SLC16A7: variants seen among roughly 807,000 people sequenced by gnomAD.
SLC16A7 encodes the protein solute carrier family 16 member 7, also known as monocarboxylate transporter 2.
SLC16A7 carries 33 observed loss-of-function variants against 34.9 expected under a neutral mutation model. The ratio of observed to expected loss-of-function variants is 0.94; its 90% CI spans 0.72 to 1.26. The LOEUF (loss-of-function observed/expected upper bound fraction) is 1.26, where lower values mean the gene tolerates loss of function less well. SLC16A7 is among the 50% of genes most tolerant of loss of function. The pLI is 0.00. For synonymous variants in SLC16A7, 201 were observed against 206.6 expected, an observed-to-expected ratio of 0.97 and a Z score of 0.23; for missense variants, 573 against 578.1, an observed-to-expected ratio of 0.99 and a Z score of 0.09.
rs80096114 is a variant in SLC16A7, at chr12:59,683,601, A to G, written c.-30-21171A>G. On this transcript the variant is annotated intron_variant, in intron 2 of 5. Coordinates refer to ENST00000547379, the MANE Select transcript of SLC16A7 (RefSeq NM_001270623.2). ...CTACAATGTACAAACTCAAAAATGTAACATTTCAGTGGGGTGCCCATTTGA... is the reference window on the plus strand; with the variant it reads ...CTACAATGTACAAACTCAAAAATGTGACATTTCAGTGGGGTGCCCATTTGA... Among the ~76,000 whole-genome samples the G allele has an allele frequency of 8.1e-3, 1,240 of 152,340 alleles. 37 individuals are homozygous for G. The highest frequency in any genetic ancestry group is 0.056 in the Admixed American group (856 of 15,296).
intron 3 of SLC16A7, among the ~76,000 whole-genome samples, chr12:59,727,170 A>ATATATATAAAAT (rs1555174538): frequency 6.2e-5 from 9 of 144,388 alleles, no homozygotes; most frequent in African/African-American, 2.4e-4. Context: ...ATATATATAT[A>ATATATATAAAAT]ATATATATAT....
intron 2 of SLC16A7, among the ~76,000 whole-genome samples, chr12:59,682,058 T>A (rs2137074857): frequency 6.6e-6 from 1 of 152,310 alleles, no homozygotes; most frequent in African/African-American, 2.4e-5. Flanking sequence ...ATTCTACTGG[T>A]CATTAGAAAA....
chr12:59,663,545 G>A (rs569032414), intron 2 of SLC16A7, among the ~76,000 whole-genome samples: 2 of 152,058 alleles, frequency 1.3e-5, no homozygotes, highest in African/African-American at 4.8e-5. Context: ...TACTAGCCAC[G>A]AAGCACCTTG....
intron 3 of SLC16A7, chr12:59,720,147 A>G (rs1163545640): frequency 2.9e-6 from 2 of 686,698 alleles, no homozygotes; most frequent in Non-Finnish European, 5.3e-6. Flanking sequence ...ATCGCTGTCT[A>G]AAGAACACAA....
At chr12:59,654,415 A>G (rs980561945) in intron 1 of SLC16A7, among the ~76,000 whole-genome samples, 2 of 151,670 alleles carry the variant, frequency 1.3e-5, no homozygotes, top group Admixed American at 6.6e-5. Flanking sequence ...AATAGTCACA[A>G]TTTTGGGGTA....
chr12:59,706,361 C>CCT (rs1873569619), intron 3 of SLC16A7, among the ~76,000 whole-genome samples: 1 of 98,372 alleles, frequency 1.0e-5, no homozygotes, highest in African/African-American at 5.2e-5. Context: ...GAAATAATTC[C>CCT]CTGTGTGTGT....
intron 3 of SLC16A7, among the ~76,000 whole-genome samples, chr12:59,757,299 T>C (rs1410552593): frequency 2.6e-5 from 4 of 151,490 alleles, no homozygotes; most frequent in Non-Finnish European, 5.9e-5. Flanking sequence ...AAATACCTAA[T>C]GTAGGTGACG....
intron 2 of SLC16A7, among the ~76,000 whole-genome samples, chr12:59,658,795 G>A (rs780323877): frequency 2.3e-4 from 35 of 152,002 alleles, no homozygotes; most frequent in African/African-American, 2.9e-4. Flanking sequence ...CCAGATTTAC[G>A]TATTTTGGCA....
chr12:59,617,379 G>A (rs1452427678), intron 1 of SLC16A7, among the ~76,000 whole-genome samples: 1 of 151,944 alleles, frequency 6.6e-6, no homozygotes, highest in African/African-American at 2.4e-5. Context: ...AAGCTTATGT[G>A]ATTATTGATG....
At position 59,615,593 on chromosome 12, in the gene SLC16A7, T is replaced by G. The variant is rs560580821; in HGVS notation, c.-130+19357T>G. On this transcript the variant is annotated intron_variant, in intron 1 of 5. Transcript: ENST00000547379. ...TAAGTGTTTCCTGCATCTGTGAAACTATCACACTGTATAGCAACACACCTG... is the reference window on the plus strand; with the variant it reads ...TAAGTGTTTCCTGCATCTGTGAAACGATCACACTGTATAGCAACACACCTG... 2.6e-5 allele frequency among the ~76,000 whole-genome samples: 4 copies of G among 152,328 alleles called. No individual in the cohort carries two copies. In the South Asian group the frequency reaches 8.3e-4, roughly 32 times the overall value.
rs199966764 is a variant in SLC16A7, at chr12:59,704,769, T to A, written c.-30-3T>A. The A allele has an allele frequency of 8.8e-5, 125 of 1,423,424 alleles. No homozygotes were observed. The highest frequency in any genetic ancestry group is 1.4e-4 in the Admixed American group (8 of 56,508). The allele number at this position is 1,423,424 out of a possible 1,614,324, so 88.2% of individuals were successfully genotyped here. ...AAACTGTTATTTCATTATTTTAATA[T>A]AGGTTACTTGAATTTCCACTAGAGG... On this transcript the variant is annotated splice_polypyrimidine_tract_variant and splice_region_variant and intron_variant, in intron 2 of 5. Coordinates refer to ENST00000547379, the MANE Select transcript of SLC16A7 (RefSeq NM_001270623.2).
intron 3 of SLC16A7, among the ~76,000 whole-genome samples, chr12:59,714,810 C>G (rs1024618438): frequency 2.0e-5 from 3 of 152,120 alleles, no homozygotes; most frequent in African/African-American, 7.2e-5. Context: ...GGTGATCCAC[C>G]CGCCTCGGCC....
intron 3 of SLC16A7, among the ~76,000 whole-genome samples, chr12:59,756,811 A>G (rs28880276): frequency 3.3e-3 from 409 of 123,954 alleles, no homozygotes; most frequent in South Asian, 5.4e-3. Flanking sequence ...GCACACGTAT[A>G]TTTATTGCGG....
chr12:59,750,510 A>T (rs1165603064), intron 3 of SLC16A7, among the ~76,000 whole-genome samples: 3 of 152,234 alleles, frequency 2.0e-5, no homozygotes, highest in Non-Finnish European at 4.4e-5. Flanking sequence ...CCACAATGAG[A>T]TACCATCTCA....
At chr12:59,672,069 C>A (rs55917446) in intron 2 of SLC16A7, among the ~76,000 whole-genome samples, 1,914 of 1,922 alleles carry the variant, frequency 1, 954 homozygotes, top group South Asian at 1. Context: ...TCGCATATAT[C>A]CGTATATATA....
At chr12:59,600,432 C>T (rs1392320344) in intron 1 of SLC16A7, among the ~76,000 whole-genome samples, 3 of 151,944 alleles carry the variant, frequency 2.0e-5, no homozygotes, top group African/African-American at 7.3e-5. Context: ...TGGGAAACAT[C>T]TGCACACTAG....
At chr12:59,761,203 G>T in intron 3 of SLC16A7, 1 of 1,229,428 alleles carries the variant, frequency 8.1e-7, no homozygotes, top group Non-Finnish European at 1.1e-6. Flanking sequence ...TCATGCCTAG[G>T]TACATGAAAC....
chr12:59,710,205 G>A (rs1874061492), intron 3 of SLC16A7, among the ~76,000 whole-genome samples: 1 of 152,036 alleles, frequency 6.6e-6, no homozygotes, highest in Non-Finnish European at 1.5e-5. Context: ...CATTCATTAG[G>A]GCTTAGCAGT....
chr12:59,727,244 T>C (rs914071817), intron 3 of SLC16A7, among the ~76,000 whole-genome samples: 3 of 151,542 alleles, frequency 2.0e-5, no homozygotes, highest in African/African-American at 7.3e-5. Flanking sequence ...CATGAAAAGA[T>C]GAGTTAGTCC....
Sources: allele counts gnomAD v4.1 joint callset (sites outside exome capture counted in the v4.1 genomes callset), GRCh38; gene constraint gnomAD v4.1.1; transcripts MANE v1.5; gene names NCBI Gene and HGNC (gene_info 2026-07-23, HGNC 2026-07-21).